EXOC2: variants seen among roughly 807,000 people sequenced by gnomAD.
The protein encoded by EXOC2 is exocyst complex component 2, also known as SEC5-like 1.
In EXOC2, 70 loss-of-function variants were observed where a neutral mutation model predicts 131.8. The ratio of observed to expected loss-of-function variants is 0.53; its 90% CI spans 0.44 to 0.65. EXOC2 has a LOEUF of 0.65. Ranked by LOEUF, EXOC2 falls within the 30% of genes least tolerant of loss-of-function variation. The probability of loss-of-function intolerance (pLI) is 0.00; values close to 1 mark genes in which losing one functional copy is unlikely to be tolerated. For synonymous variants in EXOC2, 411 were observed against 398.4 expected (o/e 1.03, Z -0.38); for missense variants, 923 against 1,108.6 (o/e 0.83, Z 2.38).
chr6:586,923 A>G (rs1759241286), intron 11 of EXOC2, among the ~76,000 whole-genome samples: 1 of 152,238 alleles, frequency 6.6e-6, no homozygotes, highest in Non-Finnish European at 1.5e-5. Context: ...AAATAGAGCT[A>G]AAGGCATCCA....
chr6:495,945 T>C (rs534854016), intron 25 of EXOC2, among the ~76,000 whole-genome samples: 1 of 152,350 alleles, frequency 6.6e-6, no homozygotes, highest in Admixed American at 6.5e-5. Context: ...ATAATTTCTA[T>C]TGGTTTACAA....
At chr6:525,589 G>T (rs538101956) in intron 23 of EXOC2, 4 of 152,260 alleles carry the variant, frequency 2.6e-5, no homozygotes, top group Admixed American at 2.0e-4. Context: ...CCTGTTCTTT[G>T]TGGGTATGCT....
intron 4 of EXOC2, among the ~76,000 whole-genome samples, chr6:627,563 C>T (rs901269015): frequency 6.6e-6 from 1 of 152,142 alleles, no homozygotes; most frequent in Non-Finnish European, 1.5e-5. Flanking sequence ...GGGCTAATGG[C>T]GATGCCAGGG....
rs1764569635 is a variant in EXOC2, at chr6:506,988, G to C, written c.2381-7288C>G. Among the ~76,000 whole-genome samples, 1 of 151,682 alleles carries C rather than the reference G, an allele frequency of 6.6e-6. No homozygotes were observed. The highest frequency in any genetic ancestry group is 2.1e-4 in the South Asian group (1 of 4,788). Reference sequence around the variant, plus strand: ...TTATTACATGCAGGACACTTTTCCAGGGGCTGGGGATATAGCAGGGACTAC... The same window carrying C: ...TTATTACATGCAGGACACTTTTCCACGGGCTGGGGATATAGCAGGGACTAC... On this transcript the variant is annotated intron_variant, in intron 23 of 27. Coordinates refer to ENST00000230449, the MANE Select transcript of EXOC2 (RefSeq NM_018303.6). This position sits in a 1 kb window ranked among gnomAD's most constrained non-coding sequence, Gnocchi z 4.4.
At chr6:492,814 TTGA>T (rs1309379269) in intron 25 of EXOC2, among the ~76,000 whole-genome samples, 4 of 152,350 alleles carry the variant, frequency 2.6e-5, no homozygotes, top group South Asian at 4.1e-4. Flanking sequence ...TGTTCTAAAA[TTGA>T]TGATGGTGAT....
At position 576,850 on chromosome 6, in the gene EXOC2, G is replaced by C. The variant is rs775821259; in HGVS notation, c.1225C>G (p.Leu409Val). ...ACTGAGGGACGTGTATCATTATCAAGATCCAACATGGGACTGTGCAGGCCT... is the reference window on the plus strand; with the variant it reads ...ACTGAGGGACGTGTATCATTATCAACATCCAACATGGGACTGTGCAGGCCT... ...NPGLHSPMLD[L>V]DNDTRPSVLG... The change falls in exon 12 of 28, where the codon CTT becomes GTT. Residue 409 changes from leucine (L) to valine (V), a missense_variant. Leu to Val is a conservative substitution (Grantham distance 32, BLOSUM62 1). Transcript: ENST00000230449. The C allele has an allele frequency of 4.3e-6, 7 of 1,614,094 alleles. No homozygotes were observed. In the South Asian group the frequency reaches 5.5e-5, roughly 13 times the overall value.
intron 12 of EXOC2, among the ~76,000 whole-genome samples, chr6:573,463 G>A (rs891902146): frequency 5.9e-5 from 9 of 152,000 alleles, no homozygotes; most frequent in African/African-American, 1.7e-4. Flanking sequence ...AGTCCACCCC[G>A]TCCAGTCCTC....
In EXOC2 at chr6:562,859, A is replaced by C. The variant is rs765331735; in HGVS notation, c.1790-14T>G. On this transcript the variant is annotated splice_polypyrimidine_tract_variant and intron_variant, in intron 16 of 27. Coordinates refer to ENST00000230449, the MANE Select transcript of EXOC2 (RefSeq NM_018303.6). Reference sequence around the variant, plus strand: ...ATCTCTTTATTTCTATATGAGAAGAAGCACACAAATACTTTATTATAATTA... The same window carrying C: ...ATCTCTTTATTTCTATATGAGAAGACGCACACAAATACTTTATTATAATTA... The C allele has an allele frequency of 4.5e-6, 7 of 1,560,284 alleles. No individual in the cohort carries two copies. In the East Asian group the frequency reaches 1.4e-4, roughly 30 times the overall value.
intron 1 of EXOC2, among the ~76,000 whole-genome samples, chr6:639,645 A>G (rs1208682888): frequency 1.3e-5 from 2 of 152,230 alleles, no homozygotes; most frequent in African/African-American, 4.8e-5. Context: ...CAAAAAGGGA[A>G]GGGCCGCTTG....
At chr6:504,348 T>A (rs1342266517) in intron 23 of EXOC2, among the ~76,000 whole-genome samples, 1 of 152,238 alleles carries the variant, frequency 6.6e-6, no homozygotes, top group Admixed American at 6.5e-5. Context: ...GGCTGAGGCC[T>A]CGCGGTGATG....
intron 1 of EXOC2, among the ~76,000 whole-genome samples, chr6:640,427 A>C (rs1307112937): frequency 6.6e-6 from 1 of 152,252 alleles, no homozygotes; most frequent in African/African-American, 2.4e-5. Flanking sequence ...CAAGAAAAAA[A>C]CACAGAACAA....
intron 1 of EXOC2, chr6:669,177 G>A (rs1044732619): frequency 2.6e-5 from 4 of 152,202 alleles, no homozygotes; most frequent in Admixed American, 6.5e-5. Flanking sequence ...GAAATGCAGC[G>A]AGCACAGCTT....
At chr6:668,624 C>T (rs999580978) in intron 1 of EXOC2, among the ~76,000 whole-genome samples, 11 of 152,104 alleles carry the variant, frequency 7.2e-5, no homozygotes, top group African/African-American at 2.4e-4. Context: ...TTAATCGTAC[C>T]CCATGTATAC....
intron 1 of EXOC2, among the ~76,000 whole-genome samples, chr6:685,151 C>CACACAA (rs1052174705): frequency 3.9e-5 from 6 of 151,998 alleles, no homozygotes; most frequent in African/African-American, 1.4e-4. Context: ...CACACACACA[C>CACACAA]AACCCTCCCA....
At chr6:499,729 G>T (rs1254866887) in intron 23 of EXOC2, 29 bp from the exon 24 acceptor site, 23 of 1,595,488 alleles carry the variant, frequency 1.4e-5, no homozygotes, top group Non-Finnish European at 2.0e-5. Flanking sequence ...AGAGAAAGAA[G>T]GCATTAATAA....
At chr6:587,766 T>C (rs1348831890) in intron 11 of EXOC2, among the ~76,000 whole-genome samples, 1 of 152,232 alleles carries the variant, frequency 6.6e-6, no homozygotes, top group Non-Finnish European at 1.5e-5. Flanking sequence ...ATGCTATCGA[T>C]GCACTCAGAA....
At position 497,277 on chromosome 6, in the gene EXOC2, C is replaced by G. The variant is rs561533965; in HGVS notation, c.2559+90G>C. The G allele has an allele frequency of 2.9e-4, 348 of 1,193,614 alleles. 1 individual carries two copies. In the African/African-American group the frequency reaches 4.3e-3, roughly 15 times the overall value. 73.9% of individuals were successfully genotyped at this position (1,193,614 alleles called of 1,614,324 possible). On this transcript the variant is annotated intron_variant, in intron 25 of 27. Coordinates refer to ENST00000230449, the MANE Select transcript of EXOC2 (RefSeq NM_018303.6). ...CAATCAGTAGATCCATTAAAAGAAG[C>G]CTGTCATATCATAAGATTGATGACT...
intron 1 of EXOC2, among the ~76,000 whole-genome samples, chr6:680,070 G>A (rs1280697971): frequency 6.6e-6 from 1 of 151,900 alleles, no homozygotes; most frequent in Non-Finnish European, 1.5e-5. Flanking sequence ...ACATAAGAGA[G>A]ACTAGCATAA....
At chr6:573,704 TATTA>T (rs1291288015) in intron 12 of EXOC2, among the ~76,000 whole-genome samples, 1 of 151,552 alleles carries the variant, frequency 6.6e-6, no homozygotes, top group Non-Finnish European at 1.5e-5. Flanking sequence ...AATAAAATTG[TATTA>T]ATAATTTATT....
Sources: allele counts gnomAD v4.1 joint callset (sites outside exome capture counted in the v4.1 genomes callset), GRCh38; gene constraint gnomAD v4.1.1; non-coding constraint Gnocchi (gnomAD v3.1); transcripts MANE v1.5; gene names NCBI Gene and HGNC (gene_info 2026-07-23, HGNC 2026-07-21).